The following HECTD4 variants were observed in gnomAD, a reference collection of about 807,000 sequenced individuals.
The protein encoded by HECTD4 is probable E3 ubiquitin-protein ligase HECTD4.
In HECTD4, 114 loss-of-function variants were observed where a neutral mutation model predicts 471.5. That is an observed-to-expected ratio of 0.24 (90% CI 0.21 to 0.28). HECTD4 has a LOEUF of 0.28. HECTD4 is among the 10% of genes least tolerant of loss of function. The probability of loss-of-function intolerance (pLI) is 1.00; values close to 1 mark genes in which losing one functional copy is unlikely to be tolerated. For synonymous variants in HECTD4, 2,012 were observed against 2,256.0 expected, an observed-to-expected ratio of 0.89 and a Z score of 3.07; for missense variants, 3,866 against 5,651.5, an observed-to-expected ratio of 0.68 and a Z score of 10.13.
chr12:112,366,966 C>A (rs1299984878), intron 1 of HECTD4, among the ~76,000 whole-genome samples: 1 of 149,960 alleles, frequency 6.7e-6, no homozygotes, highest in African/African-American at 2.4e-5. Context: ...GGGTACACTG[C>A]CAATACTACT....
rs544956671 is a variant in HECTD4, at chr12:112,367,122, T to C, written c.177+14830A>G. ...TACGAGACCCGTCTGGCCAACATGG[T>C]GAAACCCCATCTCCACCAAAAATAC... is the stretch of plus-strand genomic sequence containing the variant. On this transcript the variant is annotated intron_variant, in intron 1 of 75. Transcript: ENST00000682272. Among the ~76,000 whole-genome samples the C allele has an allele frequency of 1.4e-3, 210 of 150,608 alleles. 3 individuals are homozygous for C. The highest frequency in any genetic ancestry group is 4.4e-4 in the Non-Finnish European group (30 of 67,670).
chr12:112,177,085 T>C (rs1360006084), intron 64 of HECTD4, among the ~76,000 whole-genome samples: 1 of 152,160 alleles, frequency 6.6e-6, no homozygotes, highest in African/African-American at 2.4e-5. Flanking sequence ...CCATAGCCAG[T>C]TGTGGTTAGG....
chr12:112,359,846 G>A (rs1360117374), intron 1 of HECTD4, among the ~76,000 whole-genome samples: 1 of 152,084 alleles, frequency 6.6e-6, no homozygotes, highest in Non-Finnish European at 1.5e-5. Context: ...CCAAAGTGCT[G>A]AGACTACAGG....
chr12:112,166,996 C>T lies in HECTD4; in HGVS notation c.12534+321G>A. The T allele has an allele frequency of 3.9e-6, 1 of 256,020 alleles. No homozygotes were observed. Among genetic ancestry groups the T allele is most frequent in the South Asian group, 9.4e-5 (1 of 10,644 alleles). 15.9% of individuals were successfully genotyped at this position (256,020 alleles called of 1,614,324 possible). ...TCCCTGAAAAAACTCTTAACCTTCA[C>T]CCCTACAGCTGTTCTCCCAGTGCCT... On this transcript the variant is annotated intron_variant, in intron 72 of 75. Coordinates refer to ENST00000682272, the MANE Select transcript of HECTD4 (RefSeq NM_001388303.1). The surrounding 1 kb of genome is among the most constrained non-coding windows in gnomAD (Gnocchi z 4.6).
Position 112,237,036 on chromosome 12 carries a change from G to A in HECTD4, c.5353C>T (p.His1785Tyr), listed in dbSNP as rs1351128210. 4 of 1,608,030 alleles carry A rather than the reference G, an allele frequency of 2.5e-6. No homozygotes were observed. Among genetic ancestry groups the A allele is most frequent in the Non-Finnish European group, 3.4e-6 (4 of 1,177,548 alleles). Reference sequence around the variant, plus strand: ...CAGCACTCTGTGGCTCGGGCAAGATGGTTAGTGAGAAGGCTGGACACCTGC... The same window carrying A: ...CAGCACTCTGTGGCTCGGGCAAGATAGTTAGTGAGAAGGCTGGACACCTGC... ...ARQVSSLLTN[H>Y]LARATECCGN... The change falls in exon 35 of 76, where the codon CAT becomes TAT. Residue 1785 changes from histidine (H) to tyrosine (Y), a missense_variant. Transcript: ENST00000682272.
At chr12:112,375,354 A>G (rs1443470497) in intron 1 of HECTD4, among the ~76,000 whole-genome samples, 3 of 152,218 alleles carry the variant, frequency 2.0e-5, no homozygotes, top group Non-Finnish European at 4.4e-5. Context: ...TGACTTGAAC[A>G]TTCACGTTCA....
At chr12:112,172,963 A>C in intron 66 of HECTD4, 102 bp from the exon 67 acceptor site, 1 of 1,019,622 alleles carries the variant, frequency 9.8e-7, no homozygotes, top group South Asian at 1.4e-5. Flanking sequence ...CCTGGAGCAC[A>C]TTCAGAAGAC....
intron 13 of HECTD4, among the ~76,000 whole-genome samples, chr12:112,268,210 C>T (rs1430934907): frequency 6.6e-6 from 1 of 152,112 alleles, no homozygotes; most frequent in Non-Finnish European, 1.5e-5. Context: ...TATGTATACA[C>T]CAATGAAACC....
intron 1 of HECTD4, chr12:112,322,893 C>T (rs1014614429): frequency 6.4e-6 from 1 of 156,314 alleles, no homozygotes; most frequent in Non-Finnish European, 1.4e-5. Flanking sequence ...ATTTTACAGT[C>T]CATGCACCCA....
intron 7 of HECTD4, among the ~76,000 whole-genome samples, chr12:112,286,324 C>G (rs1283223318): frequency 6.6e-6 from 1 of 152,214 alleles, no homozygotes; most frequent in African/African-American, 2.4e-5. Flanking sequence ...AACCTGTCTT[C>G]CCACTTCCAC....
At chr12:112,221,904 G>A (rs910534592) in intron 44 of HECTD4, among the ~76,000 whole-genome samples, 10 of 149,356 alleles carry the variant, frequency 6.7e-5, no homozygotes, top group Non-Finnish European at 1.2e-4. Context: ...ACAGGCACTC[G>A]CCCCCATGCT....
At chr12:112,247,416 G>T in intron 28 of HECTD4, 46 bp downstream of exon 28, 1 of 887,738 alleles carries the variant, frequency 1.1e-6, no homozygotes, top group South Asian at 1.8e-5. Context: ...AGTGTGTTTT[G>T]AGCATCAAGG....
In HECTD4 at chr12:112,381,519, G is replaced by A. The variant is rs1429021136; in HGVS notation, c.177+433C>T. 6.6e-6 allele frequency among the ~76,000 whole-genome samples: 1 copy of A among 152,306 alleles called. No individual in the cohort carries two copies. Among genetic ancestry groups the A allele is most frequent in the East Asian group, 1.9e-4 (1 of 5,174 alleles). On this transcript the variant is annotated intron_variant, in intron 1 of 75. Coordinates refer to ENST00000682272, the MANE Select transcript of HECTD4 (RefSeq NM_001388303.1). This position sits in a 1 kb window ranked among gnomAD's most constrained non-coding sequence, Gnocchi z 4.1. ...AAAAAAACAGAACTAGGGAAGAAAA[G>A]GATGGGAGGGTACACAGCGTGAAAA...
At chr12:112,262,910 C>A (rs1379747023) in intron 17 of HECTD4, among the ~76,000 whole-genome samples, 2 of 152,148 alleles carry the variant, frequency 1.3e-5, no homozygotes, top group African/African-American at 4.8e-5. Flanking sequence ...AGCCACCACA[C>A]CCAGCTGTTT....
In HECTD4 at chr12:112,274,989, T is replaced by C. The variant is rs994418668; in HGVS notation, c.1688-29A>G. On this transcript the variant is annotated intron_variant, in intron 9 of 75. Transcript: ENST00000682272. ...TGGAAACAAACATTAAGCTGTTTAA[T>C]GAGCCTGAAGATTATTTTTAAAGTT... 5.5e-6 allele frequency: 7 copies of C among 1,282,528 alleles called. No homozygotes were observed. The Admixed American group carries it at 1.0e-4, about 19-fold the overall frequency. The allele number at this position is 1,282,528 out of a possible 1,614,324, so 79.4% of individuals were successfully genotyped here.
chr12:112,335,678 ACT>A (rs1215665359), intron 1 of HECTD4, among the ~76,000 whole-genome samples: 1 of 151,992 alleles, frequency 6.6e-6, no homozygotes, highest in Non-Finnish European at 1.5e-5. Context: ...ACAGAGTGAG[ACT>A]CTGTCTCAAA....
intron 13 of HECTD4, 172 bp from the exon 14 acceptor site, chr12:112,267,154 G>C: frequency 1.7e-6 from 1 of 585,570 alleles, no homozygotes. Flanking sequence ...TGGCTGGCTA[G>C]GCAGGTGTGC....
rs1242960106 is a variant in HECTD4, at chr12:112,252,463, A to T, written c.3513T>A (p.Asp1171Glu). ...MRSGREHNTP[D>E]KAMWGFACTV... Reference sequence around the variant, plus strand: ...TGCAAGCAAAGCCCCACATGGCTTTATCAGGAGTGTTGTGTTCACGGCCAC... The same window carrying T: ...TGCAAGCAAAGCCCCACATGGCTTTTTCAGGAGTGTTGTGTTCACGGCCAC... Residue 1171 changes from aspartate to glutamate, a missense_variant, in exon 23 of 76, where the codon GAT becomes GAA. Asp to Glu is a conservative substitution (Grantham distance 45, BLOSUM62 2). Around this residue, in one of 16 missense-constraint regions of HECTD4, gnomAD observed 281 missense variants for 499.9 expected, o/e 0.56. Transcript: ENST00000682272. The T allele has an allele frequency of 3.1e-6, 5 of 1,612,576 alleles. No individual in the cohort carries two copies. The highest frequency in any genetic ancestry group is 4.2e-6 in the Non-Finnish European group (5 of 1,179,336).
intron 25 of HECTD4, chr12:112,249,841 A>G (rs1178059713): frequency 5.2e-6 from 2 of 384,784 alleles, no homozygotes; most frequent in Non-Finnish European, 9.6e-6. Flanking sequence ...CATCAGTCAA[A>G]TGGGAAACTT....
Sources: allele counts gnomAD v4.1 joint callset (sites outside exome capture counted in the v4.1 genomes callset), GRCh38; gene constraint gnomAD v4.1.1; regional missense constraint gnomAD v4.1.1; non-coding constraint Gnocchi (gnomAD v3.1); transcripts MANE v1.5; gene names NCBI Gene and HGNC (gene_info 2026-07-23, HGNC 2026-07-21).